SMR3A: variants seen among roughly 807,000 people sequenced by gnomAD.
SMR3A encodes the protein submaxillary gland androgen-regulated protein 3A.
For synonymous variants in SMR3A, 48 were observed against 57.4 expected (o/e 0.84, Z 0.74); for missense variants, 188 against 163.0 (o/e 1.15, Z -0.84).
rs879709626 is a variant in SMR3A at position 70,367,094 on chromosome 4, C to T, written c.*100C>T. ...AAAAATAAGAATTTCAACACTACTT[C>T]CAAGAGACTTTTAGATAAAATCACT... On this transcript the variant is annotated 3_prime_UTR_variant, in exon 3 of 3. Coordinates refer to ENST00000226460, the MANE Select transcript of SMR3A (RefSeq NM_012390.4). 2.2e-5 allele frequency: 22 copies of T among 997,064 alleles called. No individual in the cohort carries two copies. The highest frequency in any genetic ancestry group is 2.5e-5 in the Non-Finnish European group (17 of 669,202). 61.8% of individuals were successfully genotyped at this position (997,064 alleles called of 1,614,324 possible). A position where few individuals can be genotyped will look rare whatever the true frequency, so the allele number is the denominator to read the frequency against.
Position 70,361,553 on chromosome 4 carries a change from G to A in SMR3A, c.-14-549G>A, listed in dbSNP as rs567032573. Among the ~76,000 whole-genome samples, 3 of 151,942 alleles carry A rather than the reference G, an allele frequency of 2.0e-5. No homozygotes were observed. The South Asian group carries it at 6.2e-4, about 32-fold the overall frequency. Reference sequence around the variant, plus strand: ...ACAGACTAAATTAATTTAGTGGAATGTTGTTAAAACTAGGAGATATATAAT... The same window carrying A: ...ACAGACTAAATTAATTTAGTGGAATATTGTTAAAACTAGGAGATATATAAT... On this transcript the variant is annotated intron_variant, in intron 1 of 2. Transcript: ENST00000226460.
intron 2 of SMR3A, among the ~76,000 whole-genome samples, chr4:70,363,273 C>A (rs1270539902): frequency 6.6e-6 from 1 of 151,796 alleles, no homozygotes; most frequent in Non-Finnish European, 1.5e-5. Context: ...TAGAAATGAG[C>A]CTTTTTCCAG....
chr4:70,364,080 C>G (rs1732205798), intron 2 of SMR3A, among the ~76,000 whole-genome samples: 1 of 151,946 alleles, frequency 6.6e-6, no homozygotes, highest in Non-Finnish European at 1.5e-5. Context: ...GGTTGAAGAG[C>G]AAATGGGAAG....
In SMR3A at chr4:70,362,083, C is replaced by G. The variant is rs1200661682; in HGVS notation, c.-14-19C>G. On this transcript the variant is annotated intron_variant, in intron 1 of 2. Coordinates refer to ENST00000226460, the MANE Select transcript of SMR3A (RefSeq NM_012390.4). The stretch of plus-strand genomic sequence containing the variant: ...AATAAAAAACAATCATACTGATCAC[C>G]TATTGTGCTTACTTTCAGAGGCAAC... 7 of 1,610,970 alleles carry G rather than the reference C, an allele frequency of 4.3e-6. No individual in the cohort carries two copies. Among genetic ancestry groups the G allele is most frequent in the Non-Finnish European group, 5.9e-6 (7 of 1,177,926 alleles).
chr4:70,364,432 GA>G (rs931578579), intron 2 of SMR3A, among the ~76,000 whole-genome samples: 5 of 151,468 alleles, frequency 3.3e-5, no homozygotes, highest in Admixed American at 1.3e-4. Context: ...AGGATAGGGA[GA>G]AAAAAAATTG....
intron 2 of SMR3A, among the ~76,000 whole-genome samples, chr4:70,363,446 C>T (rs562532958): frequency 4.6e-5 from 7 of 152,064 alleles, no homozygotes; most frequent in Non-Finnish European, 1.0e-4. Flanking sequence ...GCATTACATA[C>T]ATTATCTCTT....
intron 2 of SMR3A, among the ~76,000 whole-genome samples, chr4:70,366,174 G>A (rs1404966271): frequency 6.6e-6 from 1 of 151,830 alleles, no homozygotes; most frequent in Non-Finnish European, 1.5e-5. Flanking sequence ...CTTGGCTTAG[G>A]TGGCTTCTCT....
At chr4:70,362,070 T>C in intron 1 of SMR3A, 32 bp from the exon 2 acceptor site, 1 of 1,610,034 alleles carries the variant, frequency 6.2e-7, no homozygotes, top group Non-Finnish European at 8.5e-7. Context: ...TAAAAAACAA[T>C]CATACTGATC....
chr4:70,366,147 T>C (rs1560523020), intron 2 of SMR3A, among the ~76,000 whole-genome samples: 1 of 152,070 alleles, frequency 6.6e-6, no homozygotes, highest in Non-Finnish European at 1.5e-5. Context: ...CTCAGTTTCT[T>C]TGGCCATAAC....
chr4:70,365,624 C>A (rs1388898238), intron 2 of SMR3A, among the ~76,000 whole-genome samples: 1 of 152,016 alleles, frequency 6.6e-6, no homozygotes, highest in African/African-American at 2.4e-5. Flanking sequence ...TCATTCCATT[C>A]ATTTCACTTC....
Position 70,366,675 on chromosome 4 carries a change from C to A in SMR3A, c.86C>A (p.Pro29Gln), listed in dbSNP as rs142586226. Residue 29 changes from proline to glutamine, a missense_variant, in exon 3 of 3, where the codon CCA becomes CAA. Coordinates refer to ENST00000226460, the MANE Select transcript of SMR3A (RefSeq NM_012390.4). ...PGESQRGPRG[P>Q]YPPGPLAPPP... ...GAGAGTCAAAGAGGCCCCAGGGGAC[C>A]ATATCCACCTGGACCACTGGCTCCT... The A allele has an allele frequency of 1.3e-5, 21 of 1,612,142 alleles. No individual in the cohort carries two copies. The highest frequency in any genetic ancestry group is 2.7e-5 in the African/African-American group (2 of 74,828).
At chr4:70,362,944 CAT>C (rs752617353) in intron 2 of SMR3A, among the ~76,000 whole-genome samples, 30 of 151,946 alleles carry the variant, frequency 2.0e-4, no homozygotes, top group African/African-American at 5.5e-4. Context: ...AAACATGAAA[CAT>C]AAAATAATAC....
At chr4:70,363,414 T>C (rs1732190400) in intron 2 of SMR3A, among the ~76,000 whole-genome samples, 1 of 151,984 alleles carries the variant, frequency 6.6e-6, no homozygotes, top group South Asian at 2.1e-4. Context: ...GTGTTTTCTC[T>C]GTTATAGGTA....
intron 2 of SMR3A, among the ~76,000 whole-genome samples, chr4:70,362,480 T>C (rs1324983013): frequency 6.6e-6 from 1 of 151,736 alleles, no homozygotes; most frequent in Non-Finnish European, 1.5e-5. Context: ...AATGAGATAG[T>C]TTAAAGTAGT....
rs1201378562 is a variant in SMR3A at position 70,366,770 on chromosome 4, G to A, written c.181G>A (p.Gly61Arg). Reference sequence around the variant, plus strand: ...ACCCCATCCTCCACCCTATGGTCCAGGGAGATTTCCACCACCCCTTTCTCC... The same window carrying A: ...ACCCCATCCTCCACCCTATGGTCCAAGGAGATTTCCACCACCCCTTTCTCC... Reference protein sequence around the residue: ...PPPHPPPYGPGRFPPPLSPPY... With the variant: ...PPPHPPPYGPRRFPPPLSPPY... The change falls in exon 3 of 3, where the codon GGG becomes AGG. Residue 61 changes from glycine to arginine, a missense_variant. Gly to Arg is a moderately radical substitution (Grantham distance 125). Coordinates refer to ENST00000226460, the MANE Select transcript of SMR3A (RefSeq NM_012390.4). The A allele has an allele frequency of 2.5e-6, 4 of 1,613,094 alleles. No individual in the cohort carries two copies. Among genetic ancestry groups the A allele is most frequent in the Admixed American group, 3.3e-5 (2 of 59,914 alleles).
intron 2 of SMR3A, among the ~76,000 whole-genome samples, chr4:70,365,109 C>T (rs28630810): frequency 0.23 from 35,322 of 151,900 alleles, 4,913 homozygotes; most frequent in South Asian, 0.59. Flanking sequence ...TTGGCATGCT[C>T]CCTCCTTATT....
chr4:70,367,027 C>A lies in SMR3A; in HGVS notation c.*33C>A. 6.4e-7 allele frequency: 1 copy of A among 1,557,584 alleles called. No individual in the cohort carries two copies. Among genetic ancestry groups the A allele is most frequent in the Non-Finnish European group, 8.8e-7 (1 of 1,132,036 alleles). ...CAACTGCAACAGGTGCCACCACCCA[C>A]AAAAGACAACACTACCCTCGTAACT... On this transcript the variant is annotated 3_prime_UTR_variant, in exon 3 of 3. Coordinates refer to ENST00000226460, the MANE Select transcript of SMR3A (RefSeq NM_012390.4).
At chr4:70,366,476 A>G (rs1374198776) in intron 2 of SMR3A, among the ~76,000 whole-genome samples, 168 bp from the exon 3 acceptor site, 1 of 152,058 alleles carries the variant, frequency 6.6e-6, no homozygotes, top group Non-Finnish European at 1.5e-5. Flanking sequence ...CTCACATTGT[A>G]GAACCTGTTT....
intron 2 of SMR3A, among the ~76,000 whole-genome samples, chr4:70,363,334 G>C (rs3775735): frequency 5.3e-5 from 8 of 151,564 alleles, no homozygotes; most frequent in African/African-American, 1.9e-4. Context: ...AATGTGAAGG[G>C]TAGCATGTCC....
Sources: allele counts gnomAD v4.1 joint callset (sites outside exome capture counted in the v4.1 genomes callset), GRCh38; gene constraint gnomAD v4.1.1; transcripts MANE v1.5; gene names NCBI Gene and HGNC (gene_info 2026-07-23, HGNC 2026-07-21).